DGKA: variants seen among roughly 807,000 people sequenced by gnomAD.
DGKA encodes diacylglycerol kinase alpha, also known as 80 kDa diacylglycerol kinase.
In DGKA, 35 loss-of-function variants were observed where a neutral mutation model predicts 105.0. The ratio of observed to expected loss-of-function variants is 0.33; its 90% CI spans 0.25 to 0.44. DGKA has a LOEUF of 0.44. DGKA is among the 20% of genes least tolerant of loss of function. The probability of loss-of-function intolerance (pLI) is 1.00; values close to 1 mark genes in which losing one functional copy is unlikely to be tolerated. For synonymous variants in DGKA, 296 were observed against 332.0 expected (o/e 0.89, Z 1.18); for missense variants, 665 against 915.0 (o/e 0.73, Z 3.53).
intron 17 of DGKA, among the ~76,000 whole-genome samples, chr12:55,948,330 G>A (rs1204146679): frequency 1.3e-5 from 2 of 151,852 alleles, no homozygotes; most frequent in Admixed American, 6.6e-5. Context: ...GAACCCAGGA[G>A]GCGGAGGTTG....
At chr12:55,953,565 C>A in intron 23 of DGKA, 120 bp from the exon 24 acceptor site, 2 of 1,328,926 alleles carry the variant, frequency 1.5e-6, no homozygotes, top group South Asian at 2.5e-5. Context: ...GTTTCCCTAT[C>A]GTGGCCTCTC....
At chr12:55,930,384 T>TC (rs1369068864), upstream of DGKA, 2 of 147,400 alleles carry the variant, frequency 1.4e-5, no homozygotes, top group Non-Finnish European at 3.0e-5. Flanking sequence ...TTTTTTTTTT[T>TC]AGACAGAGTT....
intron 17 of DGKA, among the ~76,000 whole-genome samples, chr12:55,949,794 T>C (rs777521292): frequency 4.6e-5 from 7 of 152,168 alleles, no homozygotes; most frequent in African/African-American, 7.2e-5. Context: ...TTTGTATTAT[T>C]TGCACATTTT....
rs749747001 is a variant in DGKA at position 55,942,187 on chromosome 12, G to T, written c.1350G>T (p.Leu450Phe). Residue 450 changes from leucine (L) to phenylalanine (F), a missense_variant, in exon 17 of 24, where the codon TTG (leucine) becomes TTT (phenylalanine). Leu to Phe is a conservative substitution (Grantham distance 22, BLOSUM62 0). This residue lies in a region of DGKA where 504 missense variants were observed against 681.2 expected (regional missense o/e 0.74). Transcript: ENST00000331886. ...CTGCCTCCGCAGACAAAGCTAACTT[G>T]CCAGTTTTGCCTCCTGTTGCTGTGT... ...WILETIDKANLPVLPPVAVLP... is the reference protein window; with the variant it reads ...WILETIDKANFPVLPPVAVLP... 8 of 1,614,202 alleles carry T rather than the reference G, an allele frequency of 5.0e-6. No homozygotes were observed. The East Asian group carries it at 1.6e-4, about 31-fold the overall frequency.
Position 55,938,008 on chromosome 12 carries a change from AC to A in DGKA, c.306del (p.Ser104ProfsTer12). 6.2e-7 allele frequency: 1 copy of A among 1,614,122 alleles called. No individual in the cohort carries two copies. Among genetic ancestry groups the A allele is most frequent in the Non-Finnish European group, 8.5e-7 (1 of 1,180,024 alleles). On this transcript the variant is annotated frameshift_variant, in exon 5 of 24. Coordinates refer to ENST00000331886, the MANE Select transcript of DGKA (RefSeq NM_001345.5). LOFTEE classifies it high-confidence loss of function. Reference sequence around the variant, plus strand: ...GTGTGTCTCAATGATGTTTCCTGCTACTTTTCCCTTCTGGAGGGTGGTCGGC... The same window carrying A: ...GTGTGTCTCAATGATGTTTCCTGCTATTTTCCCTTCTGGAGGGTGGTCGGC... ...DVVCLNDVSC[Y>X]FSLLEGGRPE...
In DGKA at chr12:55,942,092, A is replaced by T. The variant is rs1255665175; in HGVS notation, c.1336+9A>T. 1.9e-6 allele frequency: 3 copies of T among 1,614,144 alleles called. No individual in the cohort carries two copies. Among genetic ancestry groups the T allele is most frequent in the South Asian group, 2.2e-5 (2 of 91,084 alleles). Reference sequence around the variant, plus strand: ...GATTCTAGAGACCATTGGTCAGTGCAGGGAGGGGCGTGGGGAAGGTATTGG... The same window carrying T: ...GATTCTAGAGACCATTGGTCAGTGCTGGGAGGGGCGTGGGGAAGGTATTGG... On this transcript the variant is annotated intron_variant, in intron 16 of 23. Coordinates refer to ENST00000331886, the MANE Select transcript of DGKA (RefSeq NM_001345.5).
chr12:55,932,717 A>G lies in DGKA; in HGVS notation c.-82+1373A>G, dbSNP rs866892931. On this transcript the variant is annotated intron_variant, in intron 1 of 23. Transcript: ENST00000331886. The surrounding 1 kb of genome is among the most constrained non-coding windows in gnomAD (Gnocchi z 4.3). ...TACACACACACACACACGCACACAC[A>G]CACACACACACACACACACACACAA... The G allele has an allele frequency of 7.7e-3, 4,353 of 568,194 alleles. 50 individuals are homozygous for G. Among genetic ancestry groups the G allele is most frequent in the African/African-American group, 0.053 (2,610 of 48,826 alleles). 35.2% of individuals were successfully genotyped at this position (568,194 alleles called of 1,614,324 possible).
intron 17 of DGKA, among the ~76,000 whole-genome samples, chr12:55,949,162 A>G (rs1477360219): frequency 7.9e-5 from 12 of 152,122 alleles, no homozygotes; most frequent in Admixed American, 7.9e-4. Flanking sequence ...CTGTTTTTAC[A>G]TGCATGCACA....
chr12:55,943,293 T>C (rs1409634630), intron 17 of DGKA: 1 of 152,072 alleles, frequency 6.6e-6, no homozygotes, highest in African/African-American at 2.4e-5. Flanking sequence ...TTTTTTTTCT[T>C]GAGATGGAAT....
In DGKA at chr12:55,942,217, C is replaced by T. The variant is rs541652077; in HGVS notation, c.1380C>T (p.Pro460=). 3.7e-6 allele frequency: 6 copies of T among 1,614,080 alleles called. No homozygotes were observed. The African/African-American group carries it at 6.7e-5, about 18-fold the overall frequency. Residue 460 remains proline (P), a synonymous_variant, in exon 17 of 24, where the codon CCC becomes CCT. Coordinates refer to ENST00000331886, the MANE Select transcript of DGKA (RefSeq NM_001345.5). ...LPVLPPVAVL[P]LGTGNDLARC... The stretch of plus-strand genomic sequence containing the variant: ...TTTTGCCTCCTGTTGCTGTGTTGCC[C>T]CTGGGTACTGGAAATGATCTGGCTC...
intron 2 of DGKA, 190 bp downstream of exon 2, chr12:55,936,757 A>G: frequency 2.2e-6 from 2 of 929,204 alleles, no homozygotes; most frequent in Non-Finnish European, 3.5e-6. Context: ...GATCTACCAC[A>G]GTCTAACTGG....
rs1884894412 is a variant in DGKA, at chr12:55,937,057, G to A, written c.105G>A (p.Glu35=). The part of the protein sequence containing the change: ...KKVSDVLKLF[E]DGEMAKYVQG... ...TCAGTGATGTCCTAAAGCTCTTCGA[G>A]GATGGCGAGATGGCTAAATATGTCC... The change falls in exon 3 of 24, where the codon GAG becomes GAA. Residue 35 remains glutamate, a synonymous_variant. Coordinates refer to ENST00000331886, the MANE Select transcript of DGKA (RefSeq NM_001345.5). 3 of 1,614,012 alleles carry A rather than the reference G, an allele frequency of 1.9e-6. No homozygotes were observed. The Admixed American group carries it at 5.0e-5, about 27-fold the overall frequency.
rs778688698 is a variant in DGKA, at chr12:55,940,206, T to A, written c.798+36T>A. The A allele has an allele frequency of 6.2e-7, 1 of 1,613,802 alleles. No homozygotes were observed. Among genetic ancestry groups the A allele is most frequent in the Admixed American group, 1.7e-5 (1 of 60,030 alleles). On this transcript the variant is annotated intron_variant, in intron 10 of 23. Transcript: ENST00000331886. This position sits in a 1 kb window ranked among gnomAD's most constrained non-coding sequence, Gnocchi z 4.3. ...TCATGCCTCCACCCCCAACATCACCTACATCCTGGCCCTGGCCCTGGCCCT... is the reference window on the plus strand; with the variant it reads ...TCATGCCTCCACCCCCAACATCACCAACATCCTGGCCCTGGCCCTGGCCCT...
intron 14 of DGKA, 68 bp from the exon 15 acceptor site, chr12:55,941,442 G>T: frequency 1.3e-6 from 2 of 1,591,050 alleles, no homozygotes; most frequent in South Asian, 2.2e-5. Context: ...CACACAAAGA[G>T]GGTGAGGTTC....
chr12:55,938,696 AAAGT>A, intron 6 of DGKA, 136 bp downstream of exon 6: 2 of 1,584,526 alleles, frequency 1.3e-6, no homozygotes, highest in Non-Finnish European at 1.7e-6. Context: ...ACTAAATTTG[AAAGT>A]AAGTCCCAAG....
chr12:55,940,626 C>A lies in DGKA; in HGVS notation c.921C>A (p.Ile307=). The change falls in exon 12 of 24, where the codon ATC becomes ATA. Residue 307 remains isoleucine (I), a splice_region_variant and synonymous_variant. Transcript: ENST00000331886. This position sits in a 1 kb window ranked among gnomAD's most constrained non-coding sequence, Gnocchi z 4.3. Reference sequence around the variant, plus strand: ...TCTGTGCCCACCTCGTCTTTCAGATCCACGATGACTGCCTGCAAGCGGTGG... The same window carrying A: ...TCTGTGCCCACCTCGTCTTTCAGATACACGATGACTGCCTGCAAGCGGTGG... ...GLHCVWCHLE[I]HDDCLQAVGH... 1 of 1,577,068 alleles carries A rather than the reference C, an allele frequency of 6.3e-7. No homozygotes were observed. The highest frequency in any genetic ancestry group is 8.6e-7 in the Non-Finnish European group (1 of 1,164,554).
chr12:55,937,639 G>A, intron 4 of DGKA, 96 bp downstream of exon 4: 1 of 1,486,470 alleles, frequency 6.7e-7, no homozygotes. Flanking sequence ...CACACGTTGT[G>A]CAGGTTGGGG....
In DGKA at chr12:55,940,181, T is replaced by A. The variant is rs749033361; in HGVS notation, c.798+11T>A. The A allele has an allele frequency of 6.2e-7, 1 of 1,614,156 alleles. No individual in the cohort carries two copies. The highest frequency in any genetic ancestry group is 1.1e-5 in the South Asian group (1 of 91,088). ...CGGAAGGACATTGGTGTGAGTGATC[T>A]CATGCCTCCACCCCCAACATCACCT... On this transcript the variant is annotated intron_variant, in intron 10 of 23. Coordinates refer to ENST00000331886, the MANE Select transcript of DGKA (RefSeq NM_001345.5). The surrounding 1 kb of genome is among the most constrained non-coding windows in gnomAD (Gnocchi z 4.3).
Position 55,940,489 on chromosome 12 carries a change from C to G in DGKA, c.918+56C>G, listed in dbSNP as rs1592695838. The G allele has an allele frequency of 3.1e-6, 5 of 1,601,184 alleles. No individual in the cohort carries two copies. In the East Asian group the frequency reaches 6.7e-5, roughly 21 times the overall value. ...GTCTTACCCCGCAGAGCTGCCTTCTCCACGGGCCTCCGGCCACACCTCCTT... is the reference window on the plus strand; with the variant it reads ...GTCTTACCCCGCAGAGCTGCCTTCTGCACGGGCCTCCGGCCACACCTCCTT... On this transcript the variant is annotated intron_variant, in intron 11 of 23. Transcript: ENST00000331886. The surrounding 1 kb of genome is among the most constrained non-coding windows in gnomAD (Gnocchi z 4.3).
Sources: gnomAD v4.1 joint callset for allele counts (sites outside exome capture counted in the v4.1 genomes callset) on GRCh38, gnomAD v4.1.1 for gene constraint, gnomAD v4.1.1 regional missense constraint, Gnocchi (gnomAD v3.1) non-coding constraint, MANE v1.5 for transcripts, NCBI Gene and HGNC (gene_info 2026-07-23, HGNC 2026-07-21) for gene names.